The following VEGFC variants were observed in gnomAD, a reference collection of about 807,000 sequenced individuals.
VEGFC encodes FLT4 ligand DHM.
Under a neutral mutation model 46.1 loss-of-function variants are expected in VEGFC, and 12 were observed. That is an observed-to-expected ratio of 0.26 (90% CI 0.17 to 0.42). The LOEUF is 0.42. Ranked by LOEUF, VEGFC falls within the 10% of genes least tolerant of loss-of-function variation. The pLI is 1.00. For synonymous variants in VEGFC, 232 were observed against 195.5 expected, an observed-to-expected ratio of 1.19 and a Z score of -1.56; for missense variants, 488 against 529.4, an observed-to-expected ratio of 0.92 and a Z score of 0.77.
chr4:176,717,599 A>G (rs1734718970), intron 3 of VEGFC, among the ~76,000 whole-genome samples: 1 of 152,144 alleles, frequency 6.6e-6, no homozygotes, highest in African/African-American at 2.4e-5. Flanking sequence ...AATTATAAGT[A>G]ATGTTTGTGT....
Position 176,722,488 on chromosome 4 carries a change from G to GTT in VEGFC, c.552+5288_552+5289dup, listed in dbSNP as rs138526102. ...TGGCCCCTTGTAATTTTTTTCTTTT[G>GTT]TTTTTTTTTTGTTTTTTTTTTTTTT... On this transcript the variant is annotated intron_variant, in intron 3 of 6. Transcript: ENST00000618562. Among the ~76,000 whole-genome samples the GTT allele has an allele frequency of 3.1e-3, 424 of 134,810 alleles. 2 individuals carry two copies. Among genetic ancestry groups the GTT allele is most frequent in the East Asian group, 0.021 (99 of 4,782 alleles). The allele number at this position is 134,810 out of a possible 152,430, so 88.4% of individuals were successfully genotyped here. A position where few individuals can be genotyped will look rare whatever the true frequency, so the allele number is the denominator to read the frequency against.
chr4:176,758,191 T>C (rs577941947), intron 1 of VEGFC, among the ~76,000 whole-genome samples: 1 of 152,250 alleles, frequency 6.6e-6, no homozygotes, highest in South Asian at 2.1e-4. Context: ...AAGTTGTTAG[T>C]AGAAGAAAGC....
At position 176,777,272 on chromosome 4, in the gene VEGFC, G is replaced by A. The variant is rs185482940; in HGVS notation, c.147+14893C>T. 3.4e-3 allele frequency among the ~76,000 whole-genome samples: 513 copies of A among 152,242 alleles called. 6 individuals are homozygous for A. Among genetic ancestry groups the A allele is most frequent in the Admixed American group, 7.9e-3 (121 of 15,292 alleles). ...GCGGAGCTTGCAGTGAGCCGAGATCGCACCACTGCACTCCAGCCTGGCCGA... is the reference window on the plus strand; with the variant it reads ...GCGGAGCTTGCAGTGAGCCGAGATCACACCACTGCACTCCAGCCTGGCCGA... On this transcript the variant is annotated intron_variant, in intron 1 of 6. Coordinates refer to ENST00000618562, the MANE Select transcript of VEGFC (RefSeq NM_005429.5).
chr4:176,777,020 T>C (rs995854852), intron 1 of VEGFC, among the ~76,000 whole-genome samples: 2 of 152,176 alleles, frequency 1.3e-5, no homozygotes, highest in African/African-American at 4.8e-5. Context: ...TCACTGAACA[T>C]TAAAAACTAC....
At chr4:176,710,456 T>C (rs373664538) in intron 4 of VEGFC, among the ~76,000 whole-genome samples, 1 of 152,188 alleles carries the variant, frequency 6.6e-6, no homozygotes, top group East Asian at 1.9e-4. Context: ...AATTAGGCTA[T>C]CTTCCAGGTT....
chr4:176,760,829 T>C (rs915807671), intron 1 of VEGFC, among the ~76,000 whole-genome samples: 12 of 152,246 alleles, frequency 7.9e-5, no homozygotes, highest in Admixed American at 5.2e-4. Context: ...ACCGAAGAAA[T>C]GCGATATTGA....
At chr4:176,708,749 G>A (rs1489714476) in intron 4 of VEGFC, among the ~76,000 whole-genome samples, 1 of 152,060 alleles carries the variant, frequency 6.6e-6, no homozygotes, top group African/African-American at 2.4e-5. Flanking sequence ...TTTTCTTACT[G>A]TAGATAGTGG....
At chr4:176,777,813 G>A (rs991153352) in intron 1 of VEGFC, among the ~76,000 whole-genome samples, 7 of 151,208 alleles carry the variant, frequency 4.6e-5, no homozygotes, top group South Asian at 2.1e-4. Flanking sequence ...CTGCTACTCG[G>A]GAGGCTGGGG....
At chr4:176,760,969 C>T (rs1735520298) in intron 1 of VEGFC, among the ~76,000 whole-genome samples, 1 of 152,170 alleles carries the variant, frequency 6.6e-6, no homozygotes, top group African/African-American at 2.4e-5. Flanking sequence ...GTTTATGATA[C>T]TGCAAGTCTG....
At chr4:176,730,575 T>A (rs533724630) in intron 1 of VEGFC, among the ~76,000 whole-genome samples, 130 of 152,264 alleles carry the variant, frequency 8.5e-4, no homozygotes, top group African/African-American at 3.0e-3. Flanking sequence ...TTATCCCAGC[T>A]TTTAAATATA....
chr4:176,789,341 A>G (rs1736052036), intron 1 of VEGFC, among the ~76,000 whole-genome samples: 3 of 152,240 alleles, frequency 2.0e-5, no homozygotes, highest in African/African-American at 7.2e-5. Context: ...ACTGCTTTCT[A>G]TGAAGCAATT....
chr4:176,717,489 A>T (rs1489948986), intron 3 of VEGFC, among the ~76,000 whole-genome samples: 1 of 152,212 alleles, frequency 6.6e-6, no homozygotes, highest in African/African-American at 2.4e-5. Context: ...AGCAACGGCT[A>T]TAAAGCAACA....
At chr4:176,722,142 G>T (rs514410) in intron 3 of VEGFC, among the ~76,000 whole-genome samples, 3 of 149,814 alleles carry the variant, frequency 2.0e-5, no homozygotes, top group African/African-American at 7.3e-5. Context: ...AAAAAAAACT[G>T]AAAAAAAAAT....
chr4:176,783,767 G>A (rs1579142540), intron 1 of VEGFC, among the ~76,000 whole-genome samples: 1 of 152,104 alleles, frequency 6.6e-6, no homozygotes, highest in East Asian at 1.9e-4. Context: ...GACACTGAAT[G>A]ATTAAACACC....
chr4:176,712,915 C>G (rs1384300616), intron 3 of VEGFC, among the ~76,000 whole-genome samples: 1 of 152,156 alleles, frequency 6.6e-6, no homozygotes, highest in Non-Finnish European at 1.5e-5. Context: ...GAAATAGGTA[C>G]AGGGTTATAC....
At chr4:176,730,422 A>G (rs1734943662) in intron 1 of VEGFC, among the ~76,000 whole-genome samples, 1 of 152,140 alleles carries the variant, frequency 6.6e-6, no homozygotes, top group Non-Finnish European at 1.5e-5. Context: ...ATTCCAAATT[A>G]TATTTTAGTA....
At chr4:176,699,281 C>A (rs1734382881) in intron 4 of VEGFC, among the ~76,000 whole-genome samples, 2 of 152,168 alleles carry the variant, frequency 1.3e-5, no homozygotes, top group South Asian at 4.1e-4. Context: ...AGGCAGGTAC[C>A]ACAAGCTCTC....
intron 1 of VEGFC, among the ~76,000 whole-genome samples, chr4:176,742,147 A>G (rs1320190445): frequency 6.6e-6 from 1 of 151,884 alleles, no homozygotes; most frequent in Admixed American, 6.6e-5. Context: ...TGCTTACATG[A>G]CCACTGTTTA....
chr4:176,702,814 A>G (rs1734457212), intron 4 of VEGFC, among the ~76,000 whole-genome samples: 1 of 152,102 alleles, frequency 6.6e-6, no homozygotes, highest in African/African-American at 2.4e-5. Context: ...CCTATAGTAC[A>G]TCGTCACAGA....
Sources: allele counts gnomAD v4.1 joint callset (sites outside exome capture counted in the v4.1 genomes callset), GRCh38; gene constraint gnomAD v4.1.1; transcripts MANE v1.5; gene names NCBI Gene and HGNC (gene_info 2026-07-23, HGNC 2026-07-21).